Variants in SLC38A6 observed in about 807,000 individuals in gnomAD.
SLC38A6 encodes solute carrier family 38 member 6.
SLC38A6 carries 73 observed loss-of-function variants against 65.0 expected under a neutral mutation model. The observed-to-expected ratio is 1.12, with a 90% confidence interval of 0.93 to 1.37. SLC38A6 has a LOEUF of 1.37. Among genes scored for constraint, SLC38A6 ranks in the 40% most tolerant of loss-of-function variants. The probability of loss-of-function intolerance (pLI) is 0.00; values close to 1 mark genes in which losing one functional copy is unlikely to be tolerated. For missense variants in SLC38A6, 561 were observed against 531.1 expected (o/e 1.06, Z -0.55); for synonymous variants, 183 against 178.8 (o/e 1.02, Z -0.19).
At chr14:61,009,182 A>G (rs1033734406) in intron 3 of SLC38A6, among the ~76,000 whole-genome samples, 2 of 152,234 alleles carry the variant, frequency 1.3e-5, no homozygotes, top group Non-Finnish European at 2.9e-5. Flanking sequence ...TATTGAGAGC[A>G]TTTAAGCAAT....
intron 12 of SLC38A6, chr14:61,048,287 C>T (rs771887395): frequency 2.7e-6 from 1 of 364,986 alleles, no homozygotes; most frequent in Non-Finnish European, 5.4e-6. Context: ...TGACCTGTCA[C>T]AGAATTAAAG....
At chr14:61,041,197 A>G (rs553740769) in intron 8 of SLC38A6, among the ~76,000 whole-genome samples, 1 of 152,072 alleles carries the variant, frequency 6.6e-6, no homozygotes, top group Non-Finnish European at 1.5e-5. Context: ...TTACCTTCTT[A>G]CCAACCTAAG....
chr14:60,982,233 G>T (rs1420612375), intron 1 of SLC38A6: 1 of 503,862 alleles, frequency 2.0e-6, no homozygotes, highest in Non-Finnish European at 3.9e-6. Context: ...TTCATCTCTT[G>T]CAGTCACAAG....
intron 3 of SLC38A6, among the ~76,000 whole-genome samples, chr14:60,992,683 T>C (rs927679165): frequency 6.6e-6 from 1 of 152,256 alleles, no homozygotes; most frequent in East Asian, 1.9e-4. Context: ...TTTTTTTCTT[T>C]AAAGATAACT....
chr14:61,046,928 T>C (rs896680396), intron 12 of SLC38A6, among the ~76,000 whole-genome samples: 1 of 152,130 alleles, frequency 6.6e-6, no homozygotes, highest in Admixed American at 6.6e-5. Flanking sequence ...CTGATCATCA[T>C]TAATAAAACA....
chr14:61,069,220 G>A (rs1436576742), intron 15 of SLC38A6, among the ~76,000 whole-genome samples: 1 of 152,050 alleles, frequency 6.6e-6, no homozygotes, highest in African/African-American at 2.4e-5. Flanking sequence ...GCAGATGTAT[G>A]TCTTCCAGCC....
At chr14:61,005,864 T>C (rs1000613438) in intron 3 of SLC38A6, among the ~76,000 whole-genome samples, 35 of 152,220 alleles carry the variant, frequency 2.3e-4, no homozygotes, top group African/African-American at 7.5e-4. Flanking sequence ...GAGCCCGCAT[T>C]GCCAAGTCAA....
At position 60,981,289 on chromosome 14, in the gene SLC38A6, C is replaced by T; in HGVS notation, c.12C>T (p.Ser4=). 6.2e-7 allele frequency: 1 copy of T among 1,606,298 alleles called. No individual in the cohort carries two copies. The highest frequency in any genetic ancestry group is 8.5e-7 in the Non-Finnish European group (1 of 1,176,698). The change falls in exon 1 of 16, where the codon TCC becomes TCT. Residue 4 remains serine, a synonymous_variant. Transcript: ENST00000267488. ...AGCTGGAGAGCAGCATGGAGGCGTC[C>T]TGGGGGAGCTTCAACGCTGAGCGGG... MEA[S]WGSFNAERGW... is the part of the protein sequence containing the mutation.
chr14:61,008,622 A>G (rs889877014), intron 3 of SLC38A6, among the ~76,000 whole-genome samples: 2 of 152,186 alleles, frequency 1.3e-5, no homozygotes. Context: ...ACATAAAGCT[A>G]TATGATCTAA....
At chr14:60,990,093 G>A (rs1233575680) in intron 3 of SLC38A6, among the ~76,000 whole-genome samples, 2 of 151,644 alleles carry the variant, frequency 1.3e-5, no homozygotes, top group South Asian at 2.1e-4. Context: ...GCAATGGTGT[G>A]ATTTTGGCTC....
intron 16 of SLC38A6, among the ~76,000 whole-genome samples, chr14:61,081,373 A>G (rs1013542092): frequency 8.7e-6 from 1 of 114,490 alleles, no homozygotes; most frequent in Non-Finnish European, 2.1e-5. Flanking sequence ...GAAATCCCAG[A>G]CCCATCTTCC....
At chr14:61,068,749 A>G (rs908180932) in intron 15 of SLC38A6, among the ~76,000 whole-genome samples, 3 of 152,206 alleles carry the variant, frequency 2.0e-5, no homozygotes, top group African/African-American at 7.2e-5. Flanking sequence ...CACTAGACTG[A>G]AAGTTTCATA....
At chr14:61,012,349 G>A (rs1329116304) in intron 3 of SLC38A6, among the ~76,000 whole-genome samples, 1 of 152,070 alleles carries the variant, frequency 6.6e-6, no homozygotes, top group Non-Finnish European at 1.5e-5. Context: ...TGGATTCATT[G>A]ATTTTTTTGC....
intron 8 of SLC38A6, 116 bp downstream of exon 8, chr14:61,037,799 G>C (rs2041506717): frequency 1.5e-6 from 1 of 650,222 alleles, no homozygotes. Context: ...TTATTTCACT[G>C]TGTTATTAAA....
intron 3 of SLC38A6, among the ~76,000 whole-genome samples, chr14:61,009,386 A>G (rs1287678481): frequency 6.6e-6 from 1 of 151,794 alleles, no homozygotes; most frequent in Non-Finnish European, 1.5e-5. Flanking sequence ...AAGGGGAAAT[A>G]ACTTTTATTT....
intron 15 of SLC38A6, among the ~76,000 whole-genome samples, chr14:61,067,327 G>C (rs539156375): frequency 1.1e-4 from 17 of 152,150 alleles, no homozygotes; most frequent in African/African-American, 3.4e-4. Context: ...TTGAATATAC[G>C]TACACTTTTA....
chr14:61,048,041 T>C, intron 12 of SLC38A6: 1 of 400,286 alleles, frequency 2.5e-6, no homozygotes, highest in Non-Finnish European at 4.9e-6. Flanking sequence ...ATAGAATAAA[T>C]GATACAAAAG....
chr14:60,984,082 AT>A (rs2037278492), intron 2 of SLC38A6, among the ~76,000 whole-genome samples: 2 of 152,322 alleles, frequency 1.3e-5, no homozygotes, highest in South Asian at 4.1e-4. Context: ...CTAAAAATGA[AT>A]AGGAAATTAT....
chr14:61,083,510 C>T (rs576975208), intron 16 of SLC38A6: 1 of 1,527,600 alleles, frequency 6.5e-7, no homozygotes, highest in South Asian at 1.3e-5. Flanking sequence ...TAAAATGAGG[C>T]CATTAAGCCC....
Sources: allele counts gnomAD v4.1 joint callset (sites outside exome capture counted in the v4.1 genomes callset), GRCh38; gene constraint gnomAD v4.1.1; transcripts MANE v1.5; gene names NCBI Gene and HGNC (gene_info 2026-07-23, HGNC 2026-07-21).